AGPS: variants seen among roughly 807,000 people sequenced by gnomAD.
AGPS encodes alkyldihydroxyacetonephosphate synthase, peroxisomal.
A neutral mutation model predicts 90.7 loss-of-function variants in AGPS; 26 were observed. The ratio of observed to expected loss-of-function variants is 0.29; its 90% confidence interval spans 0.21 to 0.40. The LOEUF (loss-of-function observed/expected upper bound fraction) is 0.40, where lower values mean the gene tolerates loss of function less well. AGPS is among the 10% of genes least tolerant of loss of function. AGPS has a pLI of 1.00. For missense variants in AGPS, 540 were observed against 816.1 expected (o/e 0.66, Z 4.12); for synonymous variants, 294 against 285.3 (o/e 1.03, Z -0.31).
intron 2 of AGPS, among the ~76,000 whole-genome samples, chr2:177,421,889 G>A (rs1309275651): frequency 1.3e-5 from 2 of 151,980 alleles, no homozygotes; most frequent in Non-Finnish European, 2.9e-5. Context: ...GACCTTGAAG[G>A]TATACAGTAT....
chr2:177,418,577 G>T (rs1295387469), intron 1 of AGPS, among the ~76,000 whole-genome samples: 1 of 151,822 alleles, frequency 6.6e-6, no homozygotes, highest in Non-Finnish European at 1.5e-5. Flanking sequence ...CTAATAAAAT[G>T]CAATCACATA....
intron 1 of AGPS, among the ~76,000 whole-genome samples, chr2:177,419,420 G>T (rs566650250): frequency 6.6e-6 from 1 of 151,942 alleles, no homozygotes; most frequent in South Asian, 2.1e-4. Context: ...TATTTCAGTA[G>T]CCAAGATCAA....
At chr2:177,470,371 G>A (rs1327913279) in intron 10 of AGPS, among the ~76,000 whole-genome samples, 2 of 152,114 alleles carry the variant, frequency 1.3e-5, no homozygotes, top group Non-Finnish European at 2.9e-5. Flanking sequence ...ATGAATTTAA[G>A]GAAGGGACAA....
intron 15 of AGPS, 95 bp downstream of exon 15, chr2:177,505,670 A>T (rs1688688478): frequency 8.6e-7 from 1 of 1,162,684 alleles, no homozygotes; most frequent in Non-Finnish European, 1.3e-6. Context: ...CCTATTTTTT[A>T]AAATTTTAAG....
intron 19 of AGPS, among the ~76,000 whole-genome samples, chr2:177,530,182 A>G (rs2079125603): frequency 6.6e-6 from 1 of 152,244 alleles, no homozygotes; most frequent in Non-Finnish European, 1.5e-5. Context: ...TTTATAAACT[A>G]CAGTTGATCT....
At chr2:177,435,742 A>C (rs1397938877) in intron 3 of AGPS, among the ~76,000 whole-genome samples, 3 of 152,054 alleles carry the variant, frequency 2.0e-5, no homozygotes, top group Non-Finnish European at 4.4e-5. Flanking sequence ...TCTTTTTTCC[A>C]AATACTGTAT....
At chr2:177,502,776 A>G (rs1313221337) in intron 14 of AGPS, among the ~76,000 whole-genome samples, 7 of 152,058 alleles carry the variant, frequency 4.6e-5, no homozygotes, top group African/African-American at 7.2e-5. Context: ...TTGGTTTTCT[A>G]CCAGAAGTTC....
intron 12 of AGPS, among the ~76,000 whole-genome samples, chr2:177,494,697 G>C (rs1010566877): frequency 4.6e-5 from 7 of 152,050 alleles, no homozygotes; most frequent in Non-Finnish European, 7.4e-5. Flanking sequence ...CCTCTAGCTT[G>C]CTCCTGTCTG....
At chr2:177,426,921 A>T (rs1022633831) in intron 2 of AGPS, among the ~76,000 whole-genome samples, 10 of 152,086 alleles carry the variant, frequency 6.6e-5, no homozygotes, top group African/African-American at 2.4e-4. Flanking sequence ...TTTTCAATTT[A>T]GTTTCAGTAG....
chr2:177,418,562 AT>A (rs1685855634), intron 1 of AGPS, among the ~76,000 whole-genome samples: 1 of 152,008 alleles, frequency 6.6e-6, no homozygotes, highest in African/African-American at 2.4e-5. Context: ...AAATGTTGAA[AT>A]TCACTAATAA....
Position 177,463,311 on chromosome 2 carries a change from T to C in AGPS, c.996+1293T>C, listed in dbSNP as rs116853608. On this transcript the variant is annotated intron_variant, in intron 9 of 19. Coordinates refer to ENST00000264167, the MANE Select transcript of AGPS (RefSeq NM_003659.4). ...TTCTGTAAAATAGAATAATGATATT[T>C]GCTGCATAGAATTATTGTGAGGAGT... 1.0e-3 allele frequency among the ~76,000 whole-genome samples: 158 copies of C among 152,340 alleles called. 1 individual carries two copies. In the East Asian group the frequency reaches 0.029, roughly 28 times the overall value.
intron 17 of AGPS, among the ~76,000 whole-genome samples, chr2:177,518,364 A>G (rs78992549): frequency 0.11 from 17,078 of 152,034 alleles, 1,251 homozygotes; most frequent in East Asian, 0.36. Context: ...TGAACCCGGG[A>G]GATGGAGGTT....
At chr2:177,523,988 A>G (rs1479008328) in intron 19 of AGPS, among the ~76,000 whole-genome samples, 183 bp downstream of exon 19, 1 of 152,196 alleles carries the variant, frequency 6.6e-6, no homozygotes, top group African/African-American at 2.4e-5. Context: ...TAGCCACTAG[A>G]AGCTTACTTT....
chr2:177,534,348 A>G (rs1183106157), intron 19 of AGPS, among the ~76,000 whole-genome samples: 5 of 152,136 alleles, frequency 3.3e-5, no homozygotes, highest in South Asian at 2.1e-4. Context: ...CTTAGCATCC[A>G]GGGGAATAGT....
At chr2:177,416,745 G>A (rs923560526) in intron 1 of AGPS, among the ~76,000 whole-genome samples, 38 of 151,996 alleles carry the variant, frequency 2.5e-4, no homozygotes, top group African/African-American at 8.9e-4. Context: ...TAGCCAGGAT[G>A]GTCTTGATCT....
chr2:177,498,420 G>A (rs765661295), intron 13 of AGPS, among the ~76,000 whole-genome samples: 1 of 151,112 alleles, frequency 6.6e-6, no homozygotes, highest in Non-Finnish European at 1.5e-5. Context: ...GATGTCCTTT[G>A]TCATAAATGT....
intron 8 of AGPS, among the ~76,000 whole-genome samples, chr2:177,446,122 A>G (rs1034598562): frequency 3.3e-5 from 5 of 151,212 alleles, no homozygotes; most frequent in African/African-American, 1.2e-4. Context: ...AGGAGCATAC[A>G]TGCAGGGCTT....
intron 8 of AGPS, 47 bp downstream of exon 8, chr2:177,445,673 A>G (rs377152701): frequency 3.7e-5 from 48 of 1,285,558 alleles, no homozygotes; most frequent in Non-Finnish European, 5.0e-5. Context: ...TTATTCTAAT[A>G]TCAATTCTGA....
chr2:177,457,116 C>T (rs1037818266), intron 8 of AGPS, among the ~76,000 whole-genome samples: 2 of 152,168 alleles, frequency 1.3e-5, no homozygotes, highest in Non-Finnish European at 2.9e-5. Flanking sequence ...GAAATGAAGG[C>T]AGAAATAAAG....
Sources: gnomAD v4.1 joint callset for allele counts (sites outside exome capture counted in the v4.1 genomes callset) on GRCh38, gnomAD v4.1.1 for gene constraint, MANE v1.5 for transcripts, NCBI Gene and HGNC (gene_info 2026-07-23, HGNC 2026-07-21) for gene names.